The following DOCK1 variants were observed in gnomAD, a reference collection of about 807,000 sequenced individuals.
The protein encoded by DOCK1 is dedicator of cytokinesis protein 1.
A neutral mutation model predicts 262.7 loss-of-function variants in DOCK1; 138 were observed. That is an observed-to-expected ratio of 0.53 (90% CI 0.46 to 0.61). The LOEUF is 0.61. DOCK1 is among the 20% of genes least tolerant of loss of function. The pLI, the probability that DOCK1 is intolerant of heterozygous loss-of-function variation, is 0.00. For synonymous variants in DOCK1, 866 were observed against 867.4 expected (o/e 1.00, Z 0.03); for missense variants, 1,908 against 2,370.7 (o/e 0.80, Z 4.05).
intron 29 of DOCK1, among the ~76,000 whole-genome samples, chr10:127,314,156 G>A (rs1055620635): frequency 2.6e-5 from 4 of 152,214 alleles, no homozygotes; most frequent in African/African-American, 9.7e-5. Flanking sequence ...AAGACCTGGG[G>A]ATCCGAATAA....
intron 23 of DOCK1, among the ~76,000 whole-genome samples, chr10:127,064,349 G>A (rs933383355): frequency 1.3e-5 from 2 of 152,136 alleles, no homozygotes; most frequent in East Asian, 1.9e-4. Flanking sequence ...TCAACTTTGC[G>A]GATTAGAGTC....
At chr10:127,305,900 T>C (rs2135462863) in intron 29 of DOCK1, among the ~76,000 whole-genome samples, 1 of 152,340 alleles carries the variant, frequency 6.6e-6, no homozygotes, top group East Asian at 1.9e-4. Flanking sequence ...GTCTGCTGGG[T>C]TGACCAGATG....
At chr10:126,934,075 C>T (rs946746959) in intron 1 of DOCK1, among the ~76,000 whole-genome samples, 1 of 152,122 alleles carries the variant, frequency 6.6e-6, no homozygotes, top group African/African-American at 2.4e-5. Context: ...TCTTGGCCTC[C>T]CAAAGTGCTG....
intron 1 of DOCK1, among the ~76,000 whole-genome samples, chr10:126,909,718 C>T (rs1481056735): frequency 6.6e-6 from 1 of 152,096 alleles, no homozygotes; most frequent in Non-Finnish European, 1.5e-5. Flanking sequence ...TGCTTGCTGC[C>T]GAGTCGTGAG....
chr10:127,451,653 C>G lies in DOCK1; in HGVS notation c.*226C>G, dbSNP rs1384683896. 1 of 982,562 alleles carries G rather than the reference C, an allele frequency of 1.0e-6. No homozygotes were observed. The highest frequency in any genetic ancestry group is 1.4e-6 in the Non-Finnish European group (1 of 710,242). The allele number at this position is 982,562 out of a possible 1,614,324, so 60.9% of individuals were successfully genotyped here. ...TAGATATGGGTCCGGGATGTGCTAT[C>G]GTAGTTATCAGAGTTGGGGGCCTCT... On this transcript the variant is annotated 3_prime_UTR_variant, in exon 52 of 52. Transcript: ENST00000623213.
At chr10:127,058,309 C>CA (rs2045304787) in intron 22 of DOCK1, among the ~76,000 whole-genome samples, 1 of 151,886 alleles carries the variant, frequency 6.6e-6, no homozygotes, top group Non-Finnish European at 1.5e-5. Context: ...TGGTCTATTC[C>CA]TTAATCAATA....
At chr10:127,141,652 C>T (rs771034167) in intron 27 of DOCK1, among the ~76,000 whole-genome samples, 3 of 151,024 alleles carry the variant, frequency 2.0e-5, no homozygotes, top group Non-Finnish European at 2.9e-5. Flanking sequence ...CCCTGGGTGA[C>T]AGAGTGAGAC....
At chr10:127,415,034 C>T in intron 43 of DOCK1, 118 bp from the exon 44 acceptor site, 1 of 894,054 alleles carries the variant, frequency 1.1e-6, no homozygotes, top group South Asian at 1.6e-5. Context: ...ACCACAGACC[C>T]TGTCCTGCTG....
chr10:126,950,859 G>GATTC (rs1322083393), intron 1 of DOCK1, among the ~76,000 whole-genome samples: 2 of 152,174 alleles, frequency 1.3e-5, no homozygotes, highest in African/African-American at 4.8e-5. Flanking sequence ...CTACCATGAT[G>GATTC]ATGGTGGTAC....
chr10:127,310,609 G>A (rs1243519724), intron 29 of DOCK1, among the ~76,000 whole-genome samples: 4 of 152,156 alleles, frequency 2.6e-5, no homozygotes, highest in South Asian at 2.1e-4. Flanking sequence ...TCGTAAAAGC[G>A]TTCTCTAAAT....
intron 10 of DOCK1, among the ~76,000 whole-genome samples, chr10:127,004,764 G>GCCCCCCCCCCCCCCC (rs1378202180): frequency 6.7e-5 from 1 of 14,928 alleles, no homozygotes; most frequent in Non-Finnish European, 1.5e-4. Context: ...ACGGCCCCCT[G>GCCCCCCCCCCCCCCC]CCCCGCCACC....
At chr10:126,928,268 G>A (rs1158581604) in intron 1 of DOCK1, among the ~76,000 whole-genome samples, 1 of 152,324 alleles carries the variant, frequency 6.6e-6, no homozygotes, top group African/African-American at 2.4e-5. Flanking sequence ...GGCTCTTGCT[G>A]TGGGCCAGGG....
intron 1 of DOCK1, among the ~76,000 whole-genome samples, chr10:126,921,512 G>A (rs1249439424): frequency 6.6e-6 from 1 of 152,198 alleles, no homozygotes; most frequent in East Asian, 1.9e-4. Context: ...AGGCAAATCT[G>A]TAGGCACAGA....
chr10:126,908,749 T>C (rs2031319344), intron 1 of DOCK1, among the ~76,000 whole-genome samples: 1 of 152,168 alleles, frequency 6.6e-6, no homozygotes, highest in Admixed American at 6.6e-5. Context: ...GGGCCTGGCA[T>C]ATTAACAGGC....
At chr10:127,046,617 C>T (rs1339735507) in intron 21 of DOCK1, among the ~76,000 whole-genome samples, 1 of 151,794 alleles carries the variant, frequency 6.6e-6, no homozygotes, top group Non-Finnish European at 1.5e-5. Context: ...AAAAGTTAGC[C>T]TTGTGTGGTG....
At chr10:127,280,009 C>CTCAT (rs71490120) in intron 29 of DOCK1, among the ~76,000 whole-genome samples, 1 of 114,338 alleles carries the variant, frequency 8.7e-6, no homozygotes, top group African/African-American at 3.5e-5. Flanking sequence ...AATTTTATTT[C>CTCAT]ATATATATAT....
intron 10 of DOCK1, chr10:127,001,671 G>C (rs894760132): frequency 6.6e-6 from 1 of 152,660 alleles, no homozygotes; most frequent in African/African-American, 2.4e-5. Context: ...ATCATAAGGA[G>C]TAAGCAATAG....
chr10:126,993,865 C>T (rs760795724), intron 6 of DOCK1, among the ~76,000 whole-genome samples: 1 of 152,236 alleles, frequency 6.6e-6, no homozygotes, highest in Non-Finnish European at 1.5e-5. Context: ...GTTTGAGATG[C>T]TGGCAGACTC....
intron 27 of DOCK1, among the ~76,000 whole-genome samples, chr10:127,239,649 C>G (rs11016876): frequency 0.1 from 15,823 of 152,070 alleles, 1,098 homozygotes; most frequent in Non-Finnish European, 0.16. Flanking sequence ...ATCTTCTCTT[C>G]AATAATAAGA....
Sources: allele counts gnomAD v4.1 joint callset (sites outside exome capture counted in the v4.1 genomes callset), GRCh38; gene constraint gnomAD v4.1.1; transcripts MANE v1.5; gene names NCBI Gene and HGNC (gene_info 2026-07-23, HGNC 2026-07-21).